Variants in SLC39A11 observed in about 807,000 individuals in gnomAD.
SLC39A11 encodes the protein zinc transporter ZIP11.
SLC39A11 carries 33 observed loss-of-function variants against 36.1 expected under a neutral mutation model. That is an observed-to-expected ratio of 0.91 (90% confidence interval 0.69 to 1.22). The LOEUF (loss-of-function observed/expected upper bound fraction) is 1.22. SLC39A11 is among the 50% of genes most tolerant of loss of function. The pLI is 0.00. For synonymous variants in SLC39A11, 166 were observed against 170.3 expected (o/e 0.97, Z 0.20); for missense variants, 432 against 430.3 (o/e 1.00, Z -0.03).
chr17:72,722,224 C>T (rs2143609529), intron 7 of SLC39A11, among the ~76,000 whole-genome samples: 1 of 152,260 alleles, frequency 6.6e-6, no homozygotes, highest in Middle Eastern at 3.4e-3. Context: ...CTCAAAAAGA[C>T]TCCCCTTCCC....
rs5821939 is a variant in SLC39A11, at chr17:73,054,807, C to CAA, written c.148-23095_148-23094dup. Among the ~76,000 whole-genome samples the CAA allele has an allele frequency of 6.2e-3, 695 of 112,990 alleles. 8 individuals carry two copies. Among genetic ancestry groups the CAA allele is most frequent in the East Asian group, 8.4e-3 (33 of 3,914 alleles). The allele number at this position is 112,990 out of a possible 152,430, so 74.1% of individuals were successfully genotyped here. ...TGGGTGACAGAGCAAGATTCCGTCT[C>CAA]AAAAAAAAAAAAAAAAAGAATTTAG... is the stretch of plus-strand genomic sequence containing the variant. On this transcript the variant is annotated intron_variant, in intron 3 of 9. Coordinates refer to ENST00000255559, the MANE Select transcript of SLC39A11 (RefSeq NM_139177.4).
At chr17:72,922,819 T>G (rs2083751606) in intron 5 of SLC39A11, among the ~76,000 whole-genome samples, 1 of 151,530 alleles carries the variant, frequency 6.6e-6, no homozygotes, top group African/African-American at 2.4e-5. Flanking sequence ...AACACAAAAA[T>G]TATCCAGGTG....
intron 7 of SLC39A11, among the ~76,000 whole-genome samples, chr17:72,729,416 TATATATATATATATATATATATATATA>T (rs2074072801): frequency 1.4e-3 from 3 of 2,220 alleles, no homozygotes; most frequent in African/African-American, 2.9e-3. Flanking sequence ...TATATATATA[TATATATATATATATATATATATATATA>T]TATATATATA....
intron 4 of SLC39A11, among the ~76,000 whole-genome samples, chr17:72,991,440 C>CTCCA (rs1340813402): frequency 6.6e-6 from 1 of 152,066 alleles, no homozygotes; most frequent in African/African-American, 2.4e-5. Flanking sequence ...TCACCACAAC[C>CTCCA]TCCACCTCCC....
At chr17:72,927,470 C>T (rs1259757692) in intron 5 of SLC39A11, among the ~76,000 whole-genome samples, 2 of 152,174 alleles carry the variant, frequency 1.3e-5, no homozygotes, top group African/African-American at 4.8e-5. Context: ...TGCCAATGTT[C>T]AGTAGAATGG....
At chr17:72,974,257 A>G (rs1801035677) in intron 4 of SLC39A11, among the ~76,000 whole-genome samples, 1 of 151,962 alleles carries the variant, frequency 6.6e-6, no homozygotes, top group Non-Finnish European at 1.5e-5. Context: ...CCGCCACCAC[A>G]CTTGGCTAAT....
intron 6 of SLC39A11, among the ~76,000 whole-genome samples, chr17:72,822,428 A>G (rs577673733): frequency 6.6e-6 from 1 of 150,868 alleles, no homozygotes; most frequent in South Asian, 2.1e-4. Context: ...TTTTCTAGAC[A>G]TATGACATAT....
At chr17:73,031,284 C>A (rs775259255) in intron 4 of SLC39A11, among the ~76,000 whole-genome samples, 7 of 125,770 alleles carry the variant, frequency 5.6e-5, no homozygotes, top group Admixed American at 1.6e-4. Context: ...ATATACAGTG[C>A]CACCCAGCAC....
chr17:72,778,706 T>C (rs1472793597), intron 6 of SLC39A11, among the ~76,000 whole-genome samples: 1 of 152,212 alleles, frequency 6.6e-6, no homozygotes, highest in Admixed American at 6.5e-5. Flanking sequence ...GGTCATTGAT[T>C]TTATGTCTGA....
At position 72,955,298 on chromosome 17, in the gene SLC39A11, C is replaced by CTTTTTTTTTTTTTTTTTTTTTTTT. The variant is rs71359751; in HGVS notation, c.307-7424_307-7423insAAAAAAAAAAAAAAAAAAAAAAAA. 6.1e-4 allele frequency among the ~76,000 whole-genome samples: 40 copies of CTTTTTTTTTTTTTTTTTTTTTTTT among 65,576 alleles called. 1 individual carries two copies. The highest frequency in any genetic ancestry group is 7.8e-4 in the Non-Finnish European group (30 of 38,260). 43.0% of individuals were successfully genotyped at this position (65,576 alleles called of 152,430 possible). A position where few individuals can be genotyped will look rare whatever the true frequency, so the allele number is the denominator to read the frequency against. On this transcript the variant is annotated intron_variant, in intron 4 of 9. Coordinates refer to ENST00000255559, the MANE Select transcript of SLC39A11 (RefSeq NM_139177.4). Reference sequence around the variant, plus strand: ...GAATAGGCTTTAACTTTTCAGTTCTCTTTTTTTTTTTTTTTTTTTTGTTTG... The same window carrying CTTTTTTTTTTTTTTTTTTTTTTTT: ...GAATAGGCTTTAACTTTTCAGTTCTCTTTTTTTTTTTTTTTTTTTTTTTTTTTTTTTTTTTTTTTTTTTTGTTTG...
chr17:72,932,908 T>C (rs1165027432), intron 5 of SLC39A11, among the ~76,000 whole-genome samples: 2 of 152,230 alleles, frequency 1.3e-5, no homozygotes, highest in Non-Finnish European at 2.9e-5. Flanking sequence ...ATTTCTATAT[T>C]GTGACATCTT....
At chr17:72,899,519 A>G (rs1464228320) in intron 5 of SLC39A11, among the ~76,000 whole-genome samples, 1 of 151,980 alleles carries the variant, frequency 6.6e-6, no homozygotes, top group African/African-American at 2.4e-5. Flanking sequence ...TCCCCTCATT[A>G]CTCTAACACC....
At chr17:72,927,409 T>C (rs2147358290) in intron 5 of SLC39A11, among the ~76,000 whole-genome samples, 1 of 152,330 alleles carries the variant, frequency 6.6e-6, no homozygotes, top group Admixed American at 6.5e-5. Flanking sequence ...TCCAAGCCTG[T>C]TGTTGTGCCT....
chr17:73,002,734 C>G (rs2089892683), intron 4 of SLC39A11, among the ~76,000 whole-genome samples: 1 of 152,212 alleles, frequency 6.6e-6, no homozygotes, highest in South Asian at 2.1e-4. Context: ...GAAATTCATT[C>G]TCTCATAATT....
intron 3 of SLC39A11, among the ~76,000 whole-genome samples, chr17:73,040,073 G>T (rs1260943218): frequency 6.6e-6 from 1 of 152,162 alleles, no homozygotes; most frequent in Non-Finnish European, 1.5e-5. Context: ...GAATGCAATC[G>T]ATCCCATAGC....
chr17:72,696,764 A>T (rs567713705), intron 7 of SLC39A11, among the ~76,000 whole-genome samples: 43 of 152,366 alleles, frequency 2.8e-4, no homozygotes, highest in Middle Eastern at 3.4e-3. Flanking sequence ...TATAAAGTGT[A>T]TTATAAATCA....
chr17:72,687,262 GA>G (rs1487834858), intron 7 of SLC39A11, among the ~76,000 whole-genome samples: 1 of 151,890 alleles, frequency 6.6e-6, no homozygotes, highest in African/African-American at 2.4e-5. Context: ...TCTTGGGTAG[GA>G]GCATTTTTTT....
At chr17:72,766,666 C>A (rs1007103846) in intron 6 of SLC39A11, among the ~76,000 whole-genome samples, 14 of 152,150 alleles carry the variant, frequency 9.2e-5, no homozygotes, top group African/African-American at 3.4e-4. Flanking sequence ...CTCAGAGAAA[C>A]CTTTCCTGGC....
chr17:72,768,885 C>A (rs562587978), intron 6 of SLC39A11, among the ~76,000 whole-genome samples: 2 of 152,084 alleles, frequency 1.3e-5, no homozygotes, highest in East Asian at 3.9e-4. Flanking sequence ...CTCAGCCTCC[C>A]GAGTAGCTGG....
Sources: gnomAD v4.1 joint callset for allele counts (sites outside exome capture counted in the v4.1 genomes callset) on GRCh38, gnomAD v4.1.1 for gene constraint, MANE v1.5 for transcripts, NCBI Gene and HGNC (gene_info 2026-07-23, HGNC 2026-07-21) for gene names.